SIAH1: variants seen among roughly 807,000 people sequenced by gnomAD.
SIAH1 encodes siah E3 ubiquitin protein ligase 1.
A neutral mutation model predicts 20.0 loss-of-function variants in SIAH1; 2 were observed. The observed-to-expected ratio is 0.10, with a 90% CI of 0.04 to 0.31. The LOEUF (loss-of-function observed/expected upper bound fraction) is 0.31, where lower values mean the gene tolerates loss of function less well. Ranked by LOEUF, SIAH1 falls within the 10% of genes least tolerant of loss-of-function variation. The pLI is 1.00. For synonymous variants in SIAH1, 118 were observed against 125.3 expected (o/e 0.94, Z 0.39); for missense variants, 119 against 355.3 (o/e 0.33, Z 5.35).
chr16:48,364,592 A>G (rs758905642), intron 1 of SIAH1, among the ~76,000 whole-genome samples: 13 of 152,236 alleles, frequency 8.5e-5, no homozygotes, highest in Non-Finnish European at 1.6e-4. Context: ...ACAAAGGACT[A>G]TAAGGGAGCT....
intron 1 of SIAH1, among the ~76,000 whole-genome samples, chr16:48,364,548 G>T (rs1293085471): frequency 2.6e-5 from 4 of 152,214 alleles, no homozygotes; most frequent in African/African-American, 9.6e-5. Flanking sequence ...CTCTCAATCT[G>T]AAGCCCAGTG....
intron 1 of SIAH1, among the ~76,000 whole-genome samples, chr16:48,374,985 G>A: frequency 6.6e-6 from 1 of 152,156 alleles, no homozygotes. Flanking sequence ...AAACAATAGA[G>A]GCGTGTTATT....
chr16:48,364,764 CA>C (rs1011664153), intron 1 of SIAH1: 1 of 152,464 alleles, frequency 6.6e-6, no homozygotes, highest in African/African-American at 2.4e-5. Flanking sequence ...GTAACAATTA[CA>C]AAGTGGTTCC....
At position 48,361,322 on chromosome 16, in the gene SIAH1, CCTTT is replaced by C. The variant is rs1194330496; in HGVS notation, c.*254_*257del. The C allele has an allele frequency of 2.4e-5, 9 of 379,714 alleles. No homozygotes were observed. Among genetic ancestry groups the C allele is most frequent in the African/African-American group, 1.2e-4 (6 of 48,606 alleles). The allele number at this position is 379,714 out of a possible 1,614,324, so 23.5% of individuals were successfully genotyped here. ...AACTCAGAATTATTTTACAATGCTT[CCTTT>C]CTTAATACAAAAGATGCCCATCTTG... On this transcript the variant is annotated 3_prime_UTR_variant, in exon 2 of 2. Transcript: ENST00000394725.
At chr16:48,372,705 G>A (rs898469622) in intron 1 of SIAH1, among the ~76,000 whole-genome samples, 2 of 152,126 alleles carry the variant, frequency 1.3e-5, no homozygotes, top group Non-Finnish European at 2.9e-5. Flanking sequence ...AAAAAATTAA[G>A]ATTTCATACG....
intron 1 of SIAH1, chr16:48,365,461 G>A (rs1258031041): frequency 1.2e-6 from 2 of 1,613,534 alleles, no homozygotes; most frequent in African/African-American, 1.3e-5. Flanking sequence ...AGAAGGTGGA[G>A]TAGCCTTTCC....
At chr16:48,368,894 C>A (rs1480824686) in intron 1 of SIAH1, among the ~76,000 whole-genome samples, 1 of 152,146 alleles carries the variant, frequency 6.6e-6, no homozygotes, top group Non-Finnish European at 1.5e-5. Flanking sequence ...AAATAAAACT[C>A]CTCCATTCAA....
intron 1 of SIAH1, among the ~76,000 whole-genome samples, chr16:48,383,553 T>C (rs2151056431): frequency 6.6e-6 from 1 of 152,380 alleles, no homozygotes; most frequent in Admixed American, 6.5e-5. Context: ...AAGTATTCAC[T>C]GTCCCACTTT....
chr16:48,385,555 C>T (rs551000602), upstream of SIAH1: 296 of 151,812 alleles, frequency 1.9e-3, no homozygotes, highest in Non-Finnish European at 3.5e-3. Context: ...CGGCGGCGGC[C>T]TCCGCGGGCG....
At chr16:48,384,934 C>G (rs1961406125) in intron 1 of SIAH1, among the ~76,000 whole-genome samples, 1 of 144,854 alleles carries the variant, frequency 6.9e-6, no homozygotes, top group Non-Finnish European at 1.5e-5. Flanking sequence ...CCCGGCCGCG[C>G]GGGGCCGACC....
rs1960647224 is a variant in SIAH1, at chr16:48,362,763, T to A, written c.-2-333A>T. On this transcript the variant is annotated intron_variant, in intron 1 of 1. Transcript: ENST00000394725. This position sits in a 1 kb window ranked among gnomAD's most constrained non-coding sequence, Gnocchi z 4.2. ...CAACTAAAGAAACTATACAAGGAAC[T>A]GAAGTTTAATCGAATCCGTTTTGCT... is the stretch of plus-strand genomic sequence containing the variant. 1 of 231,516 alleles carries A rather than the reference T, an allele frequency of 4.3e-6. No individual in the cohort carries two copies. Among genetic ancestry groups the A allele is most frequent in the Non-Finnish European group, 9.2e-6 (1 of 108,688 alleles). The allele number at this position is 231,516 out of a possible 1,614,324, so 14.3% of individuals were successfully genotyped here.
rs1304182008 is a variant in SIAH1 at position 48,361,955 on chromosome 16, T to C, written c.474A>G (p.Leu158=). The C allele has an allele frequency of 4.3e-6, 7 of 1,614,148 alleles. No individual in the cohort carries two copies. In the East Asian group the frequency reaches 1.3e-4, roughly 31 times the overall value. ...LMHQHKSITT[L]QGEDIVFLAT... is the part of the protein sequence containing the mutation. ...CAAGAAAAACTATATCCTCTCCCTG[T>C]AGGGTTGTAATGGACTTATGCTGAT... The change falls in exon 2 of 2, where the codon CTA becomes CTG. Residue 158 remains leucine, a synonymous_variant. Coordinates refer to ENST00000394725, the MANE Select transcript of SIAH1 (RefSeq NM_003031.4).
In SIAH1 at chr16:48,365,754, C is replaced by T. The variant is rs1030106235; in HGVS notation, c.-2-3324G>A. ...CCTCCAATGTGCCCTAAGCTTTCGT[C>T]TGTCTCCCAAGTTTGTTTTCTCCAG... On this transcript the variant is annotated intron_variant, in intron 1 of 1. Coordinates refer to ENST00000394725, the MANE Select transcript of SIAH1 (RefSeq NM_003031.4). 5 of 1,356,676 alleles carry T rather than the reference C, an allele frequency of 3.7e-6. No homozygotes were observed. The African/African-American group carries it at 7.3e-5, about 20-fold the overall frequency. The allele number at this position is 1,356,676 out of a possible 1,614,324, so 84.0% of individuals were successfully genotyped here. A position where few individuals can be genotyped will look rare whatever the true frequency, so the allele number is the denominator to read the frequency against.
chr16:48,373,025 A>G (rs1021152416), intron 1 of SIAH1, among the ~76,000 whole-genome samples: 1 of 152,122 alleles, frequency 6.6e-6, no homozygotes, highest in Non-Finnish European at 1.5e-5. Flanking sequence ...GTCACTCCTC[A>G]GCTTCCTTTT....
chr16:48,380,762 A>G (rs527960056), intron 1 of SIAH1, among the ~76,000 whole-genome samples: 1 of 151,964 alleles, frequency 6.6e-6, no homozygotes, highest in African/African-American at 2.4e-5. Context: ...CGTCTCTACT[A>G]AAAGTAAAAA....
At chr16:48,374,187 C>T (rs958523930) in intron 1 of SIAH1, among the ~76,000 whole-genome samples, 5 of 152,216 alleles carry the variant, frequency 3.3e-5, no homozygotes, top group Non-Finnish European at 5.9e-5. Flanking sequence ...TAGGCGCCCA[C>T]TGTCCTCAAT....
In SIAH1 at chr16:48,361,343, C is replaced by A; in HGVS notation, c.*237G>T. 1 of 420,192 alleles carries A rather than the reference C, an allele frequency of 2.4e-6. No individual in the cohort carries two copies. The highest frequency in any genetic ancestry group is 3.6e-5 in the South Asian group (1 of 27,864). 26.0% of individuals were successfully genotyped at this position (420,192 alleles called of 1,614,324 possible). ...GCTTCCTTTCTTAATACAAAAGATGCCCATCTTGGGTGTATATACATATAT... is the reference window on the plus strand; with the variant it reads ...GCTTCCTTTCTTAATACAAAAGATGACCATCTTGGGTGTATATACATATAT... On this transcript the variant is annotated 3_prime_UTR_variant, in exon 2 of 2. Transcript: ENST00000394725.
intron 1 of SIAH1, among the ~76,000 whole-genome samples, chr16:48,375,155 C>T (rs1194127908): frequency 5.3e-5 from 8 of 152,080 alleles, no homozygotes; most frequent in Non-Finnish European, 1.2e-4. Flanking sequence ...AAAAGTCTAT[C>T]CTCTAATGTT....
intron 1 of SIAH1, among the ~76,000 whole-genome samples, chr16:48,382,190 A>G (rs1357498434): frequency 1.3e-5 from 2 of 152,236 alleles, no homozygotes; most frequent in Admixed American, 1.3e-4. Context: ...CAGCCTAGGC[A>G]AGATGGCGAG....
Sources: allele counts gnomAD v4.1 joint callset (sites outside exome capture counted in the v4.1 genomes callset), GRCh38; gene constraint gnomAD v4.1.1; non-coding constraint Gnocchi (gnomAD v3.1); transcripts MANE v1.5; gene names NCBI Gene and HGNC (gene_info 2026-07-23, HGNC 2026-07-21).